SLC24A3: variants seen among roughly 807,000 people sequenced by gnomAD.
SLC24A3 encodes sodium/potassium/calcium exchanger 3.
SLC24A3 carries 28 observed loss-of-function variants against 75.8 expected under a neutral mutation model. The ratio of observed to expected loss-of-function variants is 0.37; its 90% CI spans 0.27 to 0.51. The LOEUF is 0.51. Ranked by LOEUF, SLC24A3 falls within the 20% of genes least tolerant of loss-of-function variation. The pLI is 0.94. For synonymous variants in SLC24A3, 372 were observed against 334.1 expected (o/e 1.11, Z -1.24); for missense variants, 663 against 847.8 (o/e 0.78, Z 2.71).
At chr20:19,254,862 G>T (rs1430827110) in intron 1 of SLC24A3, among the ~76,000 whole-genome samples, 2 of 152,206 alleles carry the variant, frequency 1.3e-5, no homozygotes, top group Admixed American at 1.3e-4. Flanking sequence ...TTCAAATGCT[G>T]GCTGCACCAC....
rs1193609350 is a variant in SLC24A3 at position 19,235,049 on chromosome 20, T to A, written c.142+22065T>A. Among the ~76,000 whole-genome samples the A allele has an allele frequency of 3.9e-5, 6 of 152,348 alleles. No homozygotes were observed. The East Asian group carries it at 1.2e-3, about 29-fold the overall frequency. ...GCAGTTAATGTGCCCACTCCGGCTATTTTCTACCCAAGGATACTTGACTCA... is the reference window on the plus strand; with the variant it reads ...GCAGTTAATGTGCCCACTCCGGCTAATTTCTACCCAAGGATACTTGACTCA... On this transcript the variant is annotated intron_variant, in intron 1 of 16. Transcript: ENST00000328041.
At chr20:19,221,208 C>A (rs372600367) in intron 1 of SLC24A3, among the ~76,000 whole-genome samples, 1 of 152,294 alleles carries the variant, frequency 6.6e-6, no homozygotes, top group East Asian at 1.9e-4. Flanking sequence ...CAGGTGCGAG[C>A]CCTCACACCT....
chr20:19,568,259 T>A (rs2030993540), intron 3 of SLC24A3, among the ~76,000 whole-genome samples: 1 of 152,184 alleles, frequency 6.6e-6, no homozygotes, highest in Non-Finnish European at 1.5e-5. Flanking sequence ...CAGAATTACA[T>A]GTGAACCATC....
chr20:19,384,665 A>G (rs1986241451), intron 2 of SLC24A3, among the ~76,000 whole-genome samples: 1 of 152,202 alleles, frequency 6.6e-6, no homozygotes, highest in South Asian at 2.1e-4. Context: ...TCTCTTCAAC[A>G]TACTGATTTC....
chr20:19,575,705 C>T (rs1789916733), intron 3 of SLC24A3, among the ~76,000 whole-genome samples: 1 of 152,242 alleles, frequency 6.6e-6, no homozygotes, highest in Admixed American at 6.5e-5. Flanking sequence ...CATATCTGGG[C>T]TGCCTCAGGG....
chr20:19,486,047 G>A (rs1241353023), intron 2 of SLC24A3, among the ~76,000 whole-genome samples: 4 of 152,106 alleles, frequency 2.6e-5, no homozygotes, highest in Non-Finnish European at 5.9e-5. Flanking sequence ...AGGTAAGTGG[G>A]CTGGAGGGTA....
chr20:19,624,694 A>G (rs980715929), intron 6 of SLC24A3, among the ~76,000 whole-genome samples: 1 of 152,186 alleles, frequency 6.6e-6, no homozygotes, highest in Non-Finnish European at 1.5e-5. Flanking sequence ...TCTATACTTT[A>G]CAGGAAAAAT....
rs560138706 is a variant in SLC24A3 at position 19,671,136 on chromosome 20, G to A, written c.714-2465G>A. On this transcript the variant is annotated intron_variant, in intron 8 of 16. Transcript: ENST00000328041. ...CAGGCAGGGAAGATTGCTTGGAGGA[G>A]GTGATATTTAAAAGCTGGTATCTGC... 3.3e-5 allele frequency among the ~76,000 whole-genome samples: 5 copies of A among 152,318 alleles called. No homozygotes were observed. The East Asian group carries it at 9.6e-4, about 29-fold the overall frequency.
intron 10 of SLC24A3, among the ~76,000 whole-genome samples, chr20:19,682,657 A>T (rs886356170): frequency 3.3e-5 from 5 of 152,250 alleles, no homozygotes; most frequent in African/African-American, 9.6e-5. Flanking sequence ...TACGAGAATC[A>T]TTTTTGTAAT....
chr20:19,257,075 T>G (rs1184328040), intron 1 of SLC24A3, among the ~76,000 whole-genome samples: 1 of 152,194 alleles, frequency 6.6e-6, no homozygotes, highest in Non-Finnish European at 1.5e-5. Flanking sequence ...TTTGGACTTC[T>G]GATGACTCAT....
chr20:19,286,704 G>C (rs1983827316), intron 2 of SLC24A3, among the ~76,000 whole-genome samples: 1 of 152,312 alleles, frequency 6.6e-6, no homozygotes, highest in South Asian at 2.1e-4. Context: ...GTAGGAACAA[G>C]ATGTGAGCTA....
At chr20:19,587,127 A>C (rs2031309309) in intron 6 of SLC24A3, among the ~76,000 whole-genome samples, 1 of 152,144 alleles carries the variant, frequency 6.6e-6, no homozygotes, top group South Asian at 2.1e-4. Flanking sequence ...CACCATCAGC[A>C]GTATGGTTAT....
chr20:19,619,447 C>T (rs2031777193), intron 6 of SLC24A3, among the ~76,000 whole-genome samples: 1 of 152,188 alleles, frequency 6.6e-6, no homozygotes, highest in Non-Finnish European at 1.5e-5. Flanking sequence ...TTTCAGCCTG[C>T]AATCCTCAAG....
At chr20:19,400,594 G>A (rs978067027) in intron 2 of SLC24A3, among the ~76,000 whole-genome samples, 1 of 152,148 alleles carries the variant, frequency 6.6e-6, no homozygotes, top group Non-Finnish European at 1.5e-5. Context: ...GGGACCCTCT[G>A]CAACCCTCTA....
At chr20:19,590,137 G>A (rs972527274) in intron 6 of SLC24A3, among the ~76,000 whole-genome samples, 8 of 149,090 alleles carry the variant, frequency 5.4e-5, no homozygotes, top group Non-Finnish European at 1.2e-4. Context: ...TGCGGTTTTT[G>A]CCATTGAAAG....
chr20:19,399,193 A>G (rs1484568428), intron 2 of SLC24A3, among the ~76,000 whole-genome samples: 1 of 152,090 alleles, frequency 6.6e-6, no homozygotes, highest in Non-Finnish European at 1.5e-5. Context: ...CTCAAGAATC[A>G]GCTTTTGGTT....
chr20:19,429,947 AGAG>A (rs1260533612), intron 2 of SLC24A3, among the ~76,000 whole-genome samples: 1 of 152,104 alleles, frequency 6.6e-6, no homozygotes, highest in African/African-American at 2.4e-5. Flanking sequence ...TGAGAAAAAA[AGAG>A]GAGGGCCTGG....
intron 3 of SLC24A3, among the ~76,000 whole-genome samples, chr20:19,523,091 G>T (rs1474054630): frequency 6.6e-6 from 1 of 152,174 alleles, no homozygotes; most frequent in Non-Finnish European, 1.5e-5. Context: ...TCAGTATAAA[G>T]TTGCAAGGTA....
intron 3 of SLC24A3, among the ~76,000 whole-genome samples, chr20:19,555,226 A>C (rs1477888936): frequency 6.6e-6 from 1 of 152,168 alleles, no homozygotes; most frequent in Non-Finnish European, 1.5e-5. Flanking sequence ...GCTACTCATA[A>C]ATAAGCCACC....
Sources: gnomAD v4.1 joint callset for allele counts (sites outside exome capture counted in the v4.1 genomes callset) on GRCh38, gnomAD v4.1.1 for gene constraint, MANE v1.5 for transcripts, NCBI Gene and HGNC (gene_info 2026-07-23, HGNC 2026-07-21) for gene names.